The following DCC variants were observed in gnomAD, a reference collection of about 807,000 sequenced individuals.
DCC encodes DCC netrin 1 receptor, also known as netrin receptor DCC.
In DCC, 58 loss-of-function variants were observed where a neutral mutation model predicts 172.5. That is an observed-to-expected ratio of 0.34 (90% CI 0.27 to 0.42). The LOEUF is 0.42. DCC is among the 10% of genes least tolerant of loss of function. DCC has a pLI of 1.00. For synonymous variants in DCC, 709 were observed against 644.5 expected (o/e 1.10, Z -1.52); for missense variants, 1,740 against 1,791.0 (o/e 0.97, Z 0.51).
At chr18:52,832,179 C>T (rs1330834285) in intron 2 of DCC, among the ~76,000 whole-genome samples, 1 of 152,082 alleles carries the variant, frequency 6.6e-6, no homozygotes, top group Non-Finnish European at 1.5e-5. Context: ...TGGCACCAGC[C>T]ACTTGGTAGT....
At chr18:52,381,558 A>AT (rs1397521604) in intron 1 of DCC, among the ~76,000 whole-genome samples, 1 of 152,088 alleles carries the variant, frequency 6.6e-6, no homozygotes, top group Non-Finnish European at 1.5e-5. Flanking sequence ...TTATGTACTC[A>AT]ATATAACTAT....
intron 15 of DCC, among the ~76,000 whole-genome samples, chr18:53,380,820 T>C (rs1907671746): frequency 6.6e-6 from 1 of 152,176 alleles, no homozygotes; most frequent in African/African-American, 2.4e-5. Flanking sequence ...CAGTTACAAG[T>C]CCATTGCAAG....
intron 5 of DCC, among the ~76,000 whole-genome samples, chr18:53,042,012 A>G (rs1176404957): frequency 6.6e-6 from 1 of 151,952 alleles, no homozygotes; most frequent in Admixed American, 6.6e-5. Context: ...TTCTTGCCAG[A>G]TTGTCCTGAC....
intron 1 of DCC, among the ~76,000 whole-genome samples, chr18:52,620,695 C>T (rs1179738343): frequency 4.6e-5 from 7 of 152,078 alleles, no homozygotes; most frequent in Non-Finnish European, 1.0e-4. Context: ...TTCCTGGACC[C>T]TCTTTGCAGT....
intron 21 of DCC, among the ~76,000 whole-genome samples, chr18:53,418,281 A>C (rs894623557): frequency 1.3e-5 from 2 of 152,154 alleles, no homozygotes; most frequent in African/African-American, 4.8e-5. Flanking sequence ...AAAGCATATA[A>C]AATTTGCTGC....
chr18:53,002,298 C>A (rs553660247), intron 5 of DCC, among the ~76,000 whole-genome samples: 1 of 152,022 alleles, frequency 6.6e-6, no homozygotes, highest in Non-Finnish European at 1.5e-5. Flanking sequence ...CTCATCATCA[C>A]GAAATGTCAA....
chr18:52,743,444 G>A (rs891213740), intron 1 of DCC, among the ~76,000 whole-genome samples: 3 of 152,100 alleles, frequency 2.0e-5, no homozygotes, highest in African/African-American at 7.2e-5. Flanking sequence ...GTCCGGAAAT[G>A]TTACTTGTTG....
intron 2 of DCC, among the ~76,000 whole-genome samples, chr18:52,753,662 C>G (rs2037033605): frequency 1.3e-5 from 2 of 152,088 alleles, no homozygotes; most frequent in Non-Finnish European, 2.9e-5. Context: ...CATGTTGGCT[C>G]AACAGCTGAG....
chr18:53,439,770 T>C (rs2145127208), intron 22 of DCC, among the ~76,000 whole-genome samples: 1 of 60,852 alleles, frequency 1.6e-5, no homozygotes, highest in African/African-American at 4.0e-5. Context: ...AGTATTTTTC[T>C]TTTTTTTTTT....
intron 2 of DCC, among the ~76,000 whole-genome samples, chr18:52,792,698 G>A (rs150290050): frequency 7.0e-6 from 1 of 142,954 alleles, no homozygotes; most frequent in Admixed American, 6.9e-5. Context: ...GCTGGCAGAT[G>A]CCTGTTATTG....
At chr18:52,514,884 A>G (rs772432446) in intron 1 of DCC, among the ~76,000 whole-genome samples, 1 of 152,172 alleles carries the variant, frequency 6.6e-6, no homozygotes, top group Non-Finnish European at 1.5e-5. Context: ...TGAACTCCTC[A>G]TCTATGTATA....
At chr18:53,123,397 G>A (rs929510564) in intron 7 of DCC, among the ~76,000 whole-genome samples, 4 of 151,980 alleles carry the variant, frequency 2.6e-5, no homozygotes, top group Non-Finnish European at 5.9e-5. Flanking sequence ...GGGTTTTGGG[G>A]CTAGATCAGT....
intron 7 of DCC, among the ~76,000 whole-genome samples, chr18:53,142,873 C>T (rs2043851608): frequency 1.3e-5 from 2 of 152,140 alleles, no homozygotes; most frequent in African/African-American, 4.8e-5. Context: ...TCCCAGACTC[C>T]TTTTTCTGTA....
intron 2 of DCC, among the ~76,000 whole-genome samples, chr18:52,886,355 C>T (rs1344011939): frequency 1.3e-5 from 2 of 152,120 alleles, no homozygotes; most frequent in East Asian, 1.9e-4. Context: ...TAGGTGATTC[C>T]CCTCTGGCTA....
At chr18:53,314,135 C>T (rs545007845) in intron 13 of DCC, among the ~76,000 whole-genome samples, 1 of 152,222 alleles carries the variant, frequency 6.6e-6, no homozygotes, top group South Asian at 2.1e-4. Context: ...TTAAAAGAGC[C>T]TCCAGTACAT....
intron 1 of DCC, among the ~76,000 whole-genome samples, chr18:52,420,979 A>G (rs1469825214): frequency 6.6e-6 from 1 of 152,196 alleles, no homozygotes; most frequent in Non-Finnish European, 1.5e-5. Flanking sequence ...TTGCAAGCCC[A>G]GAATTCAGTG....
chr18:52,939,515 A>G (rs977499151), intron 5 of DCC, among the ~76,000 whole-genome samples: 10 of 152,186 alleles, frequency 6.6e-5, no homozygotes, highest in Admixed American at 1.3e-4. Context: ...AAAAACATAT[A>G]AATAAATAAA....
intron 1 of DCC, among the ~76,000 whole-genome samples, chr18:52,414,353 G>A (rs566510893): frequency 6.6e-6 from 1 of 152,220 alleles, no homozygotes; most frequent in South Asian, 2.1e-4. Flanking sequence ...CAAAGTGCTG[G>A]GATTACAGGC....
rs8091040 is a variant in DCC, at chr18:53,060,712, C to T, written c.986-2593C>T. ...AAGAGAAGGTTTTAGGGATTCACTACGTGATCAGCTTTGCTTTATTTAGTT... is the reference window on the plus strand; with the variant it reads ...AAGAGAAGGTTTTAGGGATTCACTATGTGATCAGCTTTGCTTTATTTAGTT... On this transcript the variant is annotated intron_variant, in intron 5 of 28. Coordinates refer to ENST00000442544, the MANE Select transcript of DCC (RefSeq NM_005215.4). Among the ~76,000 whole-genome samples the T allele has an allele frequency of 7.9e-3, 1,199 of 152,152 alleles. 22 individuals are homozygous for T. The highest frequency in any genetic ancestry group is 0.028 in the African/African-American group (1,155 of 41,508).
Sources: allele counts gnomAD v4.1 joint callset (sites outside exome capture counted in the v4.1 genomes callset), GRCh38; gene constraint gnomAD v4.1.1; transcripts MANE v1.5; gene names NCBI Gene and HGNC (gene_info 2026-07-23, HGNC 2026-07-21).